CLINT1: variants seen among roughly 807,000 people sequenced by gnomAD.
CLINT1 encodes the protein clathrin interacting protein localized in the trans-Golgi region.
In CLINT1, 15 loss-of-function variants were observed where a neutral mutation model predicts 70.4. That is an observed-to-expected ratio of 0.21 (90% CI 0.14 to 0.33). The LOEUF (loss-of-function observed/expected upper bound fraction) is 0.33. Among genes scored for constraint, CLINT1 ranks in the 10% least tolerant of loss-of-function variants. The pLI, the probability that CLINT1 is intolerant of heterozygous loss-of-function variation, is 1.00. For missense variants in CLINT1, 615 were observed against 778.1 expected (o/e 0.79, Z 2.49); for synonymous variants, 227 against 254.7 (o/e 0.89, Z 1.04).
At chr5:157,847,371 C>T (rs748707285) in intron 1 of CLINT1, among the ~76,000 whole-genome samples, 3 of 151,938 alleles carry the variant, frequency 2.0e-5, no homozygotes, top group Middle Eastern at 3.2e-3. Context: ...ATTAGCCAGG[C>T]GTGGTGGTGG....
intron 3 of CLINT1, among the ~76,000 whole-genome samples, chr5:157,815,897 C>T (rs1167508696): frequency 4.6e-5 from 7 of 152,118 alleles, no homozygotes; most frequent in African/African-American, 1.7e-4. Flanking sequence ...TATTATAATC[C>T]AATGGGACCA....
chr5:157,837,035 A>G (rs1175482030), intron 1 of CLINT1, among the ~76,000 whole-genome samples: 3 of 152,348 alleles, frequency 2.0e-5, no homozygotes, highest in Admixed American at 1.3e-4. Context: ...ACTTCTGGTT[A>G]TAACACTTTA....
chr5:157,792,245 G>A (rs1047388665), intron 9 of CLINT1, among the ~76,000 whole-genome samples: 1 of 148,486 alleles, frequency 6.7e-6, no homozygotes, highest in Admixed American at 6.6e-5. Context: ...GTGACACATT[G>A]AATTTACCAT....
rs770337032 is a variant in CLINT1, at chr5:157,787,816, G to A, written c.1708C>T (p.Pro570Ser). ...TMGMAPLGNT[P>S]MMNQSMMGMN... ...CCCATCATGCTCTGGTTCATCATCG[G>A]AGTATTTCCAAGAGGGGCCATTCCC... is the stretch of plus-strand genomic sequence containing the variant. Residue 570 changes from proline (P) to serine (S), a missense_variant, in exon 12 of 12, where the codon CCG becomes TCG. By Grantham distance (74) the Pro-to-Ser change is moderately conservative (BLOSUM62 -1). Around this residue, in one of 2 missense-constraint regions of CLINT1, gnomAD observed 374 missense variants for 409.6 expected, o/e 0.91. Coordinates refer to ENST00000411809, the MANE Select transcript of CLINT1 (RefSeq NM_014666.4). 3.1e-5 allele frequency: 50 copies of A among 1,613,834 alleles called. No homozygotes were observed. Among genetic ancestry groups the A allele is most frequent in the Non-Finnish European group, 4.2e-5 (49 of 1,179,886 alleles).
intron 1 of CLINT1, among the ~76,000 whole-genome samples, chr5:157,852,091 C>T (rs1459424685): frequency 1.3e-5 from 2 of 152,172 alleles, no homozygotes; most frequent in Non-Finnish European, 2.9e-5. Context: ...AATAAATTGT[C>T]TGCTTCAATT....
rs775770284 is a variant in CLINT1, at chr5:157,806,106, G to A, written c.702C>T (p.Ser234=). The A allele has an allele frequency of 1.4e-5, 22 of 1,613,338 alleles. 1 individual carries two copies. The highest frequency in any genetic ancestry group is 6.7e-5 in the African/African-American group (5 of 74,810). The part of the protein sequence containing the change: ...REDSPERCSD[S]DEEKKARRGR... ...CTCTTCTCGCTTTCTTTTCCTCATC[G>A]CTGTCGCTAAAAGATATTAAAAATG... The change falls in exon 7 of 12, where the codon AGC becomes AGT. Residue 234 remains serine (S), a synonymous_variant. Transcript: ENST00000411809.
At chr5:157,817,799 A>G (rs1305190131) in intron 1 of CLINT1, among the ~76,000 whole-genome samples, 2 of 152,222 alleles carry the variant, frequency 1.3e-5, no homozygotes, top group African/African-American at 4.8e-5. Flanking sequence ...GCTGGCATTA[A>G]GTCCAGTAAA....
At position 157,787,085 on chromosome 5, in the gene CLINT1, G is replaced by GTA. The variant is rs1197078933; in HGVS notation, c.*559_*560dup. ...CAGTGTTGCTGGAACATTAGCAAAAGTATATACATTCCAGTTACCTTTGAT... is the reference window on the plus strand; with the variant it reads ...CAGTGTTGCTGGAACATTAGCAAAAGTATATATACATTCCAGTTACCTTTGAT... On this transcript the variant is annotated 3_prime_UTR_variant, in exon 12 of 12. Transcript: ENST00000411809. 1 of 153,326 alleles carries GTA rather than the reference G, an allele frequency of 6.5e-6. No homozygotes were observed. The highest frequency in any genetic ancestry group is 1.5e-5 in the Non-Finnish European group (1 of 68,740). 9.5% of individuals were successfully genotyped at this position (153,326 alleles called of 1,614,324 possible). A position where few individuals can be genotyped will look rare whatever the true frequency, so the allele number is the denominator to read the frequency against.
At position 157,816,776 on chromosome 5, in the gene CLINT1, T is replaced by C. The variant is rs1191584928; in HGVS notation, c.201A>G (p.Arg67=). The C allele has an allele frequency of 1.2e-6, 2 of 1,611,330 alleles. No individual in the cohort carries two copies. The highest frequency in any genetic ancestry group is 3.4e-5 in the Admixed American group (2 of 59,346). Residue 67 remains arginine (R), a synonymous_variant, in exon 3 of 12, where the codon CGA becomes CGG. Transcript: ENST00000411809. ...AATTCTTTTTGTTGTCTTTTAACAT[T>C]CGTGACCAAAGCATGTTCATAAGTT... ...FPELMNMLWS[R]MLKDNKKNWR... is the part of the protein sequence containing the mutation.
intron 1 of CLINT1, among the ~76,000 whole-genome samples, chr5:157,856,499 C>G (rs926296029): frequency 6.6e-6 from 1 of 152,200 alleles, no homozygotes; most frequent in African/African-American, 2.4e-5. Context: ...GTCACTGCTT[C>G]TTCATTTGCA....
chr5:157,850,177 C>T (rs1753524051), intron 1 of CLINT1, among the ~76,000 whole-genome samples: 2 of 152,104 alleles, frequency 1.3e-5, no homozygotes, highest in Non-Finnish European at 2.9e-5. Flanking sequence ...ATTCTGAACC[C>T]ATTTGACTTA....
rs1762737853 is a variant in CLINT1 at position 157,816,919 on chromosome 5, G to C, written c.147-89C>G. ...TGTTCTAATTTGGTGTTTCCCTGAA[G>C]AGTTTTTAAAAATTAATAAACTTAA... On this transcript the variant is annotated intron_variant, in intron 2 of 11. Coordinates refer to ENST00000411809, the MANE Select transcript of CLINT1 (RefSeq NM_014666.4). 6 of 918,388 alleles carry C rather than the reference G, an allele frequency of 6.5e-6. No homozygotes were observed. In the African/African-American group the frequency reaches 1.0e-4, roughly 16 times the overall value. 56.9% of individuals were successfully genotyped at this position (918,388 alleles called of 1,614,324 possible).
At chr5:157,835,534 A>G (rs1312357303) in intron 1 of CLINT1, among the ~76,000 whole-genome samples, 2 of 152,012 alleles carry the variant, frequency 1.3e-5, no homozygotes, top group East Asian at 3.9e-4. Context: ...TATCTTATGC[A>G]GTTTTCTTTC....
chr5:157,840,059 G>A (rs922101120), intron 1 of CLINT1, among the ~76,000 whole-genome samples: 13 of 151,800 alleles, frequency 8.6e-5, no homozygotes, highest in African/African-American at 3.1e-4. Context: ...AATTAGCTGG[G>A]CATGATGGGC....
At chr5:157,809,512 A>G in intron 6 of CLINT1, 116 bp downstream of exon 6, 5 of 691,224 alleles carry the variant, frequency 7.2e-6, no homozygotes, top group Non-Finnish European at 1.1e-5. Context: ...AAAAAAAAAA[A>G]GGCCCAATTT....
intron 1 of CLINT1, among the ~76,000 whole-genome samples, chr5:157,833,458 G>A (rs1194788658): frequency 6.6e-6 from 1 of 152,048 alleles, no homozygotes; most frequent in Non-Finnish European, 1.5e-5. Context: ...ATTCTCTCCT[G>A]AAGAATAGGC....
chr5:157,818,161 G>T (rs12513920), intron 1 of CLINT1, among the ~76,000 whole-genome samples: 20,343 of 152,050 alleles, frequency 0.13, 1,794 homozygotes, highest in African/African-American at 0.25. Flanking sequence ...TCCATCAGGA[G>T]ATTGTACGAT....
chr5:157,845,173 ACT>A (rs1001464127), intron 1 of CLINT1, among the ~76,000 whole-genome samples: 11 of 151,990 alleles, frequency 7.2e-5, no homozygotes, highest in Admixed American at 5.2e-4. Context: ...ACATGGTGAA[ACT>A]CTGTCTCTAT....
chr5:157,839,725 A>ATCTATCTC (rs1763561295), intron 1 of CLINT1, among the ~76,000 whole-genome samples: 1 of 63,634 alleles, frequency 1.6e-5, no homozygotes, highest in African/African-American at 7.0e-5. Flanking sequence ...ACAAAAATCT[A>ATCTATCTC]TCTATCTATC....
Sources: allele counts gnomAD v4.1 joint callset (sites outside exome capture counted in the v4.1 genomes callset), GRCh38; gene constraint gnomAD v4.1.1; regional missense constraint gnomAD v4.1.1; transcripts MANE v1.5; gene names NCBI Gene and HGNC (gene_info 2026-07-23, HGNC 2026-07-21).